Variants in GMNN observed in about 807,000 individuals in gnomAD.
The protein encoded by GMNN is geminin.
In GMNN, 14 loss-of-function variants were observed where a neutral mutation model predicts 20.9. The ratio of observed to expected loss-of-function variants is 0.67; its 90% CI spans 0.44 to 1.05. The LOEUF (loss-of-function observed/expected upper bound fraction) is 1.05, where lower values mean the gene tolerates loss of function less well. Ranked by LOEUF, GMNN falls within the 50% of genes least tolerant of loss-of-function variation. The pLI is 0.00. For synonymous variants in GMNN, 81 were observed against 85.8 expected (o/e 0.94, Z 0.31); for missense variants, 227 against 243.8 (o/e 0.93, Z 0.46).
At chr6:24,783,113 G>A (rs1328971245) in intron 4 of GMNN, among the ~76,000 whole-genome samples, 2 of 152,074 alleles carry the variant, frequency 1.3e-5, no homozygotes, top group African/African-American at 4.8e-5. Context: ...GGGTGATCAT[G>A]GATTATCTTT....
chr6:24,778,444 G>T (rs1374873859), intron 2 of GMNN, among the ~76,000 whole-genome samples: 1 of 152,150 alleles, frequency 6.6e-6, no homozygotes, highest in Admixed American at 6.6e-5. Context: ...TTGGGCTTTG[G>T]TGAATTATGA....
In GMNN at chr6:24,777,298, G is replaced by T; in HGVS notation, c.51+1G>T. 1.7e-6 allele frequency: 2 copies of T among 1,165,786 alleles called. No homozygotes were observed. Among genetic ancestry groups the T allele is most frequent in the Non-Finnish European group, 2.5e-6 (2 of 813,072 alleles). The allele number at this position is 1,165,786 out of a possible 1,614,324, so 72.2% of individuals were successfully genotyped here. On this transcript the variant is annotated splice_donor_variant, in intron 2 of 6. Coordinates refer to ENST00000230056, the MANE Select transcript of GMNN (RefSeq NM_015895.5). LOFTEE classifies it high-confidence loss of function. ...AGAAGAAATCAAAGAGAATATAAAG[G>T]TATGTGATTGAATAACTTTAATTTT...
In GMNN at chr6:24,781,235, A is replaced by T. The variant is rs1780208310; in HGVS notation, c.130-242A>T. Among the ~76,000 whole-genome samples the T allele has an allele frequency of 2.7e-5, 4 of 148,882 alleles. No individual in the cohort carries two copies. The South Asian group carries it at 8.4e-4, about 31-fold the overall frequency. ...AAAAATAAAAAATTTTTTAAAAAATAAATAAATAATTTCAGCTAAGCTCTT... is the reference window on the plus strand; with the variant it reads ...AAAAATAAAAAATTTTTTAAAAAATTAATAAATAATTTCAGCTAAGCTCTT... On this transcript the variant is annotated intron_variant, in intron 3 of 6. Transcript: ENST00000230056.
chr6:24,783,495 T>C (rs1780271575), intron 4 of GMNN, among the ~76,000 whole-genome samples: 1 of 152,118 alleles, frequency 6.6e-6, no homozygotes, highest in African/African-American at 2.4e-5. Flanking sequence ...ATTGACACAG[T>C]CTCAAATATT....
intron 2 of GMNN, 85 bp from the exon 3 acceptor site, chr6:24,780,578 G>C: frequency 1.3e-6 from 1 of 768,836 alleles, no homozygotes; most frequent in Non-Finnish European, 2.3e-6. Flanking sequence ...GAAGGACTAA[G>C]AGTAACACTC....
chr6:24,781,451 A>G (rs759894136), intron 3 of GMNN, 26 bp from the exon 4 acceptor site: 16 of 1,495,812 alleles, frequency 1.1e-5, no homozygotes, highest in Non-Finnish European at 9.2e-7. Context: ...CAAAGTAAAT[A>G]CAGTTGATAA....
At chr6:24,783,952 T>C (rs939637603) in intron 4 of GMNN, 135 bp from the exon 5 acceptor site, 2 of 437,954 alleles carry the variant, frequency 4.6e-6, no homozygotes, top group East Asian at 7.0e-5. Flanking sequence ...ATTGATTTTA[T>C]TTTTTAACTT....
intron 1 of GMNN, 67 bp from the exon 2 acceptor site, chr6:24,777,155 A>T (rs1425690408): frequency 1.8e-5 from 10 of 550,636 alleles, no homozygotes; most frequent in Non-Finnish European, 3.3e-5. Context: ...AATTTTTATG[A>T]TTGTAAGTAT....
Position 24,777,282 on chromosome 6 carries a change from C to T in GMNN, c.36C>T (p.Ile12=). Residue 12 remains isoleucine, a synonymous_variant, in exon 2 of 7, where the codon ATC becomes ATT. Coordinates refer to ENST00000230056, the MANE Select transcript of GMNN (RefSeq NM_015895.5). ...GTATGAAGCAGAAACAAGAAGAAAT[C>T]AAAGAGAATATAAAGGTATGTGATT... The part of the protein sequence containing the change: ...NPSMKQKQEE[I]KENIKNSSVP... 4.4e-6 allele frequency: 6 copies of T among 1,357,528 alleles called. No homozygotes were observed. Among genetic ancestry groups the T allele is most frequent in the Non-Finnish European group, 6.1e-6 (6 of 976,112 alleles). The allele number at this position is 1,357,528 out of a possible 1,614,324, so 84.1% of individuals were successfully genotyped here.
At chr6:24,780,534 G>A in intron 2 of GMNN, 129 bp from the exon 3 acceptor site, 1 of 579,346 alleles carries the variant, frequency 1.7e-6, no homozygotes, top group Non-Finnish European at 3.1e-6. Context: ...AAATGTTTGT[G>A]TTGTTAGTGT....
At chr6:24,780,775 A>G in intron 3 of GMNN, 35 bp downstream of exon 3, 1 of 960,528 alleles carries the variant, frequency 1.0e-6, no homozygotes, top group Non-Finnish European at 1.7e-6. Context: ...GGTACTGGTG[A>G]TACAGTGTCT....
chr6:24,779,360 CT>C (rs200295784), intron 2 of GMNN, among the ~76,000 whole-genome samples: 4 of 150,758 alleles, frequency 2.7e-5, no homozygotes, highest in African/African-American at 9.7e-5. Context: ...TGGAAATGGT[CT>C]TTTTTTTTGG....
intron 2 of GMNN, among the ~76,000 whole-genome samples, chr6:24,779,938 A>G (rs1328992856): frequency 6.6e-6 from 1 of 152,182 alleles, no homozygotes; most frequent in African/African-American, 2.4e-5. Context: ...CTATCAGGTA[A>G]TGGTTGAGGG....
At chr6:24,782,870 G>T (rs1780253584) in intron 4 of GMNN, among the ~76,000 whole-genome samples, 1 of 148,906 alleles carries the variant, frequency 6.7e-6, no homozygotes, top group South Asian at 2.1e-4. Flanking sequence ...GTTGACAGTG[G>T]TATTAGTGTA....
At chr6:24,776,405 A>C (rs1780070704) in intron 1 of GMNN, among the ~76,000 whole-genome samples, 1 of 152,140 alleles carries the variant, frequency 6.6e-6, no homozygotes, top group Non-Finnish European at 1.5e-5. Context: ...GACCTCCCAA[A>C]GTGCTGGGAT....
chr6:24,782,254 G>A (rs1204513369), intron 4 of GMNN, among the ~76,000 whole-genome samples: 1 of 152,088 alleles, frequency 6.6e-6, no homozygotes, highest in Non-Finnish European at 1.5e-5. Context: ...AGGAGAGTAT[G>A]GCATAAGGAA....
At chr6:24,780,864 A>G in intron 3 of GMNN, 124 bp downstream of exon 3, 6 of 624,358 alleles carry the variant, frequency 9.6e-6, no homozygotes, top group Non-Finnish European at 1.8e-5. Flanking sequence ...GGGAATCACA[A>G]TTATATATTT....
chr6:24,778,580 A>G (rs2113573272), intron 2 of GMNN, among the ~76,000 whole-genome samples: 1 of 152,120 alleles, frequency 6.6e-6, no homozygotes, highest in African/African-American at 2.4e-5. Context: ...GTACCTTTTG[A>G]TGGGTTTTTT....
chr6:24,783,431 A>G (rs920000071), intron 4 of GMNN, among the ~76,000 whole-genome samples: 4 of 152,172 alleles, frequency 2.6e-5, no homozygotes, highest in African/African-American at 9.7e-5. Context: ...TAAGCCGGAA[A>G]CATCAATCAT....
Sources: allele counts gnomAD v4.1 joint callset (sites outside exome capture counted in the v4.1 genomes callset), GRCh38; gene constraint gnomAD v4.1.1; transcripts MANE v1.5; gene names NCBI Gene and HGNC (gene_info 2026-07-23, HGNC 2026-07-21).